Variants in CPQ observed in about 807,000 individuals in gnomAD.
The protein encoded by CPQ is carboxypeptidase Q.
Under a neutral mutation model 45.7 loss-of-function variants are expected in CPQ, and 37 were observed. That is an observed-to-expected ratio of 0.81 (90% confidence interval 0.62 to 1.07). The LOEUF (loss-of-function observed/expected upper bound fraction) is 1.07, where lower values mean the gene tolerates loss of function less well. Among genes scored for constraint, CPQ ranks in the 50% least tolerant of loss-of-function variants. The pLI is 0.00. For missense variants in CPQ, 537 were observed against 572.9 expected (o/e 0.94, Z 0.64); for synonymous variants, 186 against 205.8 (o/e 0.90, Z 0.82).
intron 2 of CPQ, among the ~76,000 whole-genome samples, chr8:96,819,264 A>G (rs1228621007): frequency 6.6e-6 from 1 of 152,154 alleles, no homozygotes; most frequent in African/African-American, 2.4e-5. Context: ...AATGAAAAAT[A>G]TAACCTTTAT....
At chr8:97,043,843 C>T (rs953864808) in intron 6 of CPQ, among the ~76,000 whole-genome samples, 6 of 152,260 alleles carry the variant, frequency 3.9e-5, no homozygotes, top group African/African-American at 1.2e-4. Context: ...GAGTTTCTGC[C>T]GAGAGATCCG....
At position 96,654,934 on chromosome 8, in the gene CPQ, C is replaced by CT. The variant is rs373691319; in HGVS notation, c.-35+9545dup. On this transcript the variant is annotated intron_variant, in intron 1 of 7. Transcript: ENST00000220763. ...CCTTACTAATAAATGTCCTTTGTGGCTTTTTTTTTTTTTCCAGAATACAGC... is the reference window on the plus strand; with the variant it reads ...CCTTACTAATAAATGTCCTTTGTGGCTTTTTTTTTTTTTTCCAGAATACAGC... 7.3e-3 allele frequency among the ~76,000 whole-genome samples: 1,033 copies of CT among 140,858 alleles called. 10 individuals are homozygous for CT. The highest frequency in any genetic ancestry group is 0.017 in the African/African-American group (676 of 38,774). The allele number at this position is 140,858 out of a possible 152,430, so 92.4% of individuals were successfully genotyped here.
intron 4 of CPQ, among the ~76,000 whole-genome samples, chr8:96,889,405 G>C (rs1174559238): frequency 6.6e-6 from 1 of 152,218 alleles, no homozygotes; most frequent in African/African-American, 2.4e-5. Flanking sequence ...TAGAAGTGCA[G>C]TTTGGGTGAG....
At chr8:96,822,762 T>G (rs1354986231) in intron 2 of CPQ, among the ~76,000 whole-genome samples, 1 of 152,052 alleles carries the variant, frequency 6.6e-6, no homozygotes, top group Non-Finnish European at 1.5e-5. Flanking sequence ...TACAGTGACC[T>G]CTGCAATGAG....
chr8:97,118,961 G>C (rs933294053), intron 7 of CPQ, among the ~76,000 whole-genome samples: 1 of 152,110 alleles, frequency 6.6e-6, no homozygotes, highest in Non-Finnish European at 1.5e-5. Context: ...GCAGAGTTGA[G>C]TGATTGTTTT....
intron 1 of CPQ, among the ~76,000 whole-genome samples, chr8:96,735,657 T>G (rs1055402977): frequency 3.9e-5 from 6 of 152,190 alleles, no homozygotes; most frequent in Non-Finnish European, 5.9e-5. Context: ...GGGGTATTCC[T>G]TCTAGTGGGT....
chr8:97,076,000 T>C (rs1810839353), intron 7 of CPQ, among the ~76,000 whole-genome samples: 1 of 152,062 alleles, frequency 6.6e-6, no homozygotes, highest in Non-Finnish European at 1.5e-5. Flanking sequence ...CTTGGTTTTA[T>C]TTGTTTTTGT....
chr8:96,902,936 C>T (rs959343809), intron 4 of CPQ, among the ~76,000 whole-genome samples: 1 of 152,202 alleles, frequency 6.6e-6, no homozygotes, highest in Admixed American at 6.5e-5. Context: ...CATTCTTTCC[C>T]TTGTCAAGTG....
intron 1 of CPQ, among the ~76,000 whole-genome samples, chr8:96,692,670 T>G (rs2130738346): frequency 6.6e-6 from 1 of 152,248 alleles, no homozygotes; most frequent in African/African-American, 2.4e-5. Context: ...GACCAAAAAC[T>G]TAGACCACAA....
chr8:96,743,503 G>C (rs1810126686), intron 1 of CPQ, among the ~76,000 whole-genome samples: 1 of 152,048 alleles, frequency 6.6e-6, no homozygotes, highest in African/African-American at 2.4e-5. Flanking sequence ...ATCCAGCTTT[G>C]TTCCGTTGCT....
At chr8:97,085,775 GA>G (rs1321442066) in intron 7 of CPQ, among the ~76,000 whole-genome samples, 1 of 152,176 alleles carries the variant, frequency 6.6e-6, no homozygotes, top group African/African-American at 2.4e-5. Context: ...TTTAACGGCT[GA>G]AAGAAGAATT....
At chr8:96,943,753 A>G (rs566598908) in intron 4 of CPQ, among the ~76,000 whole-genome samples, 1 of 152,242 alleles carries the variant, frequency 6.6e-6, no homozygotes, top group South Asian at 2.1e-4. Flanking sequence ...AGCTTTTTGT[A>G]TGTTTGTGAA....
At position 96,851,768 on chromosome 8, in the gene CPQ, T is replaced by C. The variant is rs150739938; in HGVS notation, c.641+16588T>C. 1.9e-3 allele frequency among the ~76,000 whole-genome samples: 294 copies of C among 152,310 alleles called. 6 individuals are homozygous for C. The Middle Eastern group carries it at 0.061, about 32-fold the overall frequency. Reference sequence around the variant, plus strand: ...GGGAAAACTGCAAACAAATGTGCTATGAGATTAGATGGATTTGAAGGGGAC... The same window carrying C: ...GGGAAAACTGCAAACAAATGTGCTACGAGATTAGATGGATTTGAAGGGGAC... On this transcript the variant is annotated intron_variant, in intron 3 of 7. Transcript: ENST00000220763.
At chr8:97,000,576 T>C (rs1029064687) in intron 5 of CPQ, among the ~76,000 whole-genome samples, 3 of 152,128 alleles carry the variant, frequency 2.0e-5, no homozygotes, top group African/African-American at 7.2e-5. Context: ...TTCTGGGCTC[T>C]CTATTCTGTT....
At chr8:96,780,783 G>A (rs1810675816) in intron 1 of CPQ, among the ~76,000 whole-genome samples, 2 of 149,584 alleles carry the variant, frequency 1.3e-5, no homozygotes, top group South Asian at 4.2e-4. Flanking sequence ...GTCTCCCAAA[G>A]TGCTGGGATT....
At chr8:96,880,517 TCATATATA>T (rs1812206857) in intron 4 of CPQ, among the ~76,000 whole-genome samples, 1 of 76,554 alleles carries the variant, frequency 1.3e-5, no homozygotes, top group Non-Finnish European at 2.6e-5. Context: ...AAATATATGG[TCATATATA>T]TATATATATA....
At chr8:96,954,453 A>C (rs1175992375) in intron 4 of CPQ, among the ~76,000 whole-genome samples, 2 of 152,158 alleles carry the variant, frequency 1.3e-5, no homozygotes, top group African/African-American at 4.8e-5. Context: ...CACAGTGTCC[A>C]TTGATGAAGA....
intron 1 of CPQ, among the ~76,000 whole-genome samples, chr8:96,732,769 G>T (rs538728805): frequency 7.6e-4 from 115 of 152,230 alleles, no homozygotes; most frequent in African/African-American, 2.7e-3. Context: ...CCTGCTATCT[G>T]ACATACCTAT....
chr8:96,914,849 G>A (rs996876135), intron 4 of CPQ, among the ~76,000 whole-genome samples: 1 of 152,124 alleles, frequency 6.6e-6, no homozygotes, highest in African/African-American at 2.4e-5. Flanking sequence ...ATTTGTTGAT[G>A]TAAGCTGAAA....
Sources: gnomAD v4.1 joint callset for allele counts (sites outside exome capture counted in the v4.1 genomes callset) on GRCh38, gnomAD v4.1.1 for gene constraint, MANE v1.5 for transcripts, NCBI Gene and HGNC (gene_info 2026-07-23, HGNC 2026-07-21) for gene names.